The following ARHGAP25 variants were observed in gnomAD, a reference collection of about 807,000 sequenced individuals.
ARHGAP25 encodes Rho GTPase activating protein 25.
ARHGAP25 carries 34 observed loss-of-function variants against 71.0 expected under a neutral mutation model. The ratio of observed to expected loss-of-function variants is 0.48; its 90% CI spans 0.36 to 0.64. The LOEUF (loss-of-function observed/expected upper bound fraction) is 0.64, where lower values mean the gene tolerates loss of function less well. ARHGAP25 is among the 30% of genes least tolerant of loss of function. The probability of loss-of-function intolerance (pLI) is 0.00; values close to 1 mark genes in which losing one functional copy is unlikely to be tolerated. For synonymous variants in ARHGAP25, 282 were observed against 296.5 expected (o/e 0.95, Z 0.50); for missense variants, 706 against 805.1 (o/e 0.88, Z 1.49).
chr2:68,793,491 T>A (rs985771226), intron 4 of ARHGAP25, among the ~76,000 whole-genome samples: 1 of 152,160 alleles, frequency 6.6e-6, no homozygotes, highest in Non-Finnish European at 1.5e-5. Context: ...TCTTCAGCAT[T>A]TGGCAATCAG....
At chr2:68,770,893 A>C (rs1677443723) in intron 1 of ARHGAP25, among the ~76,000 whole-genome samples, 1 of 152,216 alleles carries the variant, frequency 6.6e-6, no homozygotes, top group South Asian at 2.1e-4. Context: ...CCTCACTTTT[A>C]TGGCCCATTT....
chr2:68,779,808 C>T (rs1428521826), intron 2 of ARHGAP25, among the ~76,000 whole-genome samples: 1 of 152,202 alleles, frequency 6.6e-6, no homozygotes, highest in Non-Finnish European at 1.5e-5. Context: ...CCTTCCCTAT[C>T]AGTGTCCCCA....
At chr2:68,817,564 A>G (rs1206647358) in intron 7 of ARHGAP25, among the ~76,000 whole-genome samples, 1 of 152,150 alleles carries the variant, frequency 6.6e-6, no homozygotes, top group East Asian at 1.9e-4. Flanking sequence ...GTATGGGCAG[A>G]TACCCATTTT....
At chr2:68,822,265 T>C (rs1203573047) in intron 9 of ARHGAP25, 75 bp from the exon 10 acceptor site, 1 of 1,453,954 alleles carries the variant, frequency 6.9e-7, no homozygotes, top group African/African-American at 1.4e-5. Flanking sequence ...TTTTGGGGTC[T>C]CTAATCCATA....
chr2:68,722,577 GAA>G (rs111862772), intron 2 of ARHGAP25, among the ~76,000 whole-genome samples: 6 of 137,634 alleles, frequency 4.4e-5, no homozygotes, highest in East Asian at 2.1e-4. Context: ...GACCCTGTCT[GAA>G]AAAAAAAAAA....
chr2:68,715,869 G>A (rs1208699789), intron 2 of ARHGAP25, among the ~76,000 whole-genome samples: 2 of 152,314 alleles, frequency 1.3e-5, no homozygotes, highest in South Asian at 2.1e-4. Context: ...CAGCTCTCTG[G>A]GTAGGCTGGG....
chr2:68,788,020 T>C (rs1678879079), intron 4 of ARHGAP25, 64 bp downstream of exon 4: 2 of 1,271,012 alleles, frequency 1.6e-6, no homozygotes, highest in Non-Finnish European at 2.3e-6. Context: ...AGGAAGTAGC[T>C]CCAATGTGAT....
intron 4 of ARHGAP25, among the ~76,000 whole-genome samples, chr2:68,801,506 CAG>C (rs1179003834): frequency 6.6e-6 from 1 of 152,146 alleles, no homozygotes; most frequent in African/African-American, 2.4e-5. Flanking sequence ...AAGATGAAGA[CAG>C]AGAATTTCAT....
chr2:68,736,670 C>G (rs923604928), intron 1 of ARHGAP25, among the ~76,000 whole-genome samples: 2 of 152,112 alleles, frequency 1.3e-5, no homozygotes, highest in African/African-American at 4.8e-5. Flanking sequence ...ATACTCAGGT[C>G]TGGGATTTGA....
intron 2 of ARHGAP25, among the ~76,000 whole-genome samples, chr2:68,729,200 T>G (rs1251946583): frequency 6.6e-6 from 1 of 152,342 alleles, no homozygotes; most frequent in Non-Finnish European, 1.5e-5. Flanking sequence ...CAACTCTGAA[T>G]GTACTAGATC....
At chr2:68,725,347 CAG>C (rs1276279233) in intron 2 of ARHGAP25, among the ~76,000 whole-genome samples, 3 of 152,068 alleles carry the variant, frequency 2.0e-5, no homozygotes, top group African/African-American at 7.2e-5. Flanking sequence ...ATTATTGAAA[CAG>C]AGTCTCTCTC....
chr2:68,784,718 A>G (rs1380951145), intron 3 of ARHGAP25, among the ~76,000 whole-genome samples: 1 of 152,224 alleles, frequency 6.6e-6, no homozygotes, highest in African/African-American at 2.4e-5. Flanking sequence ...AGCACCTCCT[A>G]TGAGCCAAGT....
intron 2 of ARHGAP25, among the ~76,000 whole-genome samples, chr2:68,776,669 G>T (rs75743682): frequency 6.6e-6 from 1 of 151,978 alleles, no homozygotes; most frequent in African/African-American, 2.4e-5. Context: ...GAACAATTAC[G>T]CCAGGACCCC....
intron 2 of ARHGAP25, among the ~76,000 whole-genome samples, chr2:68,777,804 T>G (rs1324111543): frequency 6.6e-6 from 1 of 152,214 alleles, no homozygotes; most frequent in Admixed American, 6.5e-5. Flanking sequence ...CATGTTGATA[T>G]GTATCATTTG....
chr2:68,753,809 CAGG>C (rs1423421196), intron 1 of ARHGAP25, among the ~76,000 whole-genome samples: 1 of 151,948 alleles, frequency 6.6e-6, no homozygotes, highest in Non-Finnish European at 1.5e-5. Context: ...ATTTGAAGGT[CAGG>C]AGGAGGTGAG....
chr2:68,821,910 T>TC (rs1323610143), intron 9 of ARHGAP25, among the ~76,000 whole-genome samples: 1 of 74,272 alleles, frequency 1.3e-5, no homozygotes, highest in Non-Finnish European at 3.2e-5. Flanking sequence ...TTGCTAGTTT[T>TC]TTTTTTTTTT....
At chr2:68,739,171 C>G (rs182755848) in intron 1 of ARHGAP25, among the ~76,000 whole-genome samples, 1 of 152,290 alleles carries the variant, frequency 6.6e-6, no homozygotes, top group Admixed American at 6.5e-5. Context: ...CACTCATGCA[C>G]AAAATTCCCC....
intron 4 of ARHGAP25, among the ~76,000 whole-genome samples, chr2:68,795,073 A>G (rs1187186415): frequency 1.3e-5 from 2 of 152,060 alleles, no homozygotes; most frequent in African/African-American, 2.4e-5. Flanking sequence ...GTTGTTAATA[A>G]TAATCTCTGA....
chr2:68,816,604 C>T, intron 7 of ARHGAP25: 1 of 481,186 alleles, frequency 2.1e-6, no homozygotes, highest in Non-Finnish European at 3.8e-6. Context: ...GCCCAGAGTC[C>T]TGGTACATGC....
Sources: gnomAD v4.1 joint callset for allele counts (sites outside exome capture counted in the v4.1 genomes callset) on GRCh38, gnomAD v4.1.1 for gene constraint, MANE v1.5 for transcripts, NCBI Gene and HGNC (gene_info 2026-07-23, HGNC 2026-07-21) for gene names.